Variants in EXTL3 observed in about 807,000 individuals in gnomAD.
EXTL3 encodes the protein exostosin like glycosyltransferase 3.
In EXTL3, 27 loss-of-function variants were observed where a neutral mutation model predicts 69.3. The ratio of observed to expected loss-of-function variants is 0.39; its 90% CI spans 0.29 to 0.54. The LOEUF is 0.54. Ranked by LOEUF, EXTL3 falls within the 20% of genes least tolerant of loss-of-function variation. The pLI, the probability that EXTL3 is intolerant of heterozygous loss-of-function variation, is 0.69. For synonymous variants in EXTL3, 511 were observed against 499.4 expected (o/e 1.02, Z -0.31); for missense variants, 1,003 against 1,231.8 (o/e 0.81, Z 2.78).
upstream of EXTL3, among the ~76,000 whole-genome samples, chr8:28,619,819 G>A (rs1806384856): frequency 7.9e-6 from 1 of 126,596 alleles, no homozygotes; most frequent in South Asian, 2.7e-4. Context: ...ATCCGTATCC[G>A]TACACCGCCG....
chr8:28,656,102 T>G (rs1347785070), intron 1 of EXTL3, among the ~76,000 whole-genome samples: 2 of 152,146 alleles, frequency 1.3e-5, no homozygotes, highest in East Asian at 3.9e-4. Flanking sequence ...TTATTTTCTC[T>G]GTGGCATGCT....
intron 1 of EXTL3, among the ~76,000 whole-genome samples, chr8:28,695,374 G>T (rs1038320020): frequency 2.0e-5 from 3 of 152,062 alleles, no homozygotes; most frequent in Admixed American, 2.0e-4. Context: ...TGATACACCC[G>T]CCTCGGCCTC....
intron 1 of EXTL3, among the ~76,000 whole-genome samples, chr8:28,679,701 TGACAAAGCAA>T (rs1807450853): frequency 6.8e-6 from 1 of 146,308 alleles, no homozygotes; most frequent in African/African-American, 2.5e-5. Context: ...CCAGCTTGAG[TGACAAAGCAA>T]GACCCGACCC....
intron 6 of EXTL3, among the ~76,000 whole-genome samples, chr8:28,749,427 G>A (rs1173975501): frequency 2.0e-5 from 3 of 152,150 alleles, no homozygotes; most frequent in East Asian, 1.9e-4. Context: ...AGAAAAGGAA[G>A]TAGAAGATAA....
intron 1 of EXTL3, among the ~76,000 whole-genome samples, chr8:28,652,472 C>T (rs1806939519): frequency 6.6e-6 from 1 of 151,598 alleles, no homozygotes; most frequent in Non-Finnish European, 1.5e-5. Flanking sequence ...GCCTGCGCAA[C>T]ACAGGGAGGC....
chr8:28,669,742 T>G (rs1807255215), intron 1 of EXTL3, among the ~76,000 whole-genome samples: 1 of 152,160 alleles, frequency 6.6e-6, no homozygotes, highest in Admixed American at 6.5e-5. Flanking sequence ...CAAGAAAAAT[T>G]AGCATCACCC....
intron 3 of EXTL3, among the ~76,000 whole-genome samples, chr8:28,723,817 T>A (rs1801350828): frequency 6.6e-6 from 1 of 151,944 alleles, no homozygotes; most frequent in Non-Finnish European, 1.5e-5. Flanking sequence ...AATTTTTGTA[T>A]TTTTAGTAGA....
upstream of EXTL3, chr8:28,696,947 T>G (rs1800694964): frequency 6.6e-6 from 1 of 152,234 alleles, no homozygotes; most frequent in Admixed American, 6.5e-5. Flanking sequence ...GAGCTTTTGT[T>G]GATCATGTAC....
intron 6 of EXTL3, among the ~76,000 whole-genome samples, chr8:28,747,728 C>CTTTTT (rs71549697): frequency 7.2e-5 from 9 of 124,738 alleles, no homozygotes; most frequent in African/African-American, 1.3e-4. Context: ...TTTTCTTTTT[C>CTTTTT]TTTTTTTTTT....
intron 5 of EXTL3, chr8:28,742,748 GC>G: frequency 4.5e-6 from 1 of 219,964 alleles, no homozygotes; most frequent in Non-Finnish European, 9.1e-6. Context: ...TTTTTTTTTG[GC>G]CATTGTTAGA....
In EXTL3 at chr8:28,663,182, G is replaced by T. The variant is rs1037467866; in HGVS notation, c.-53+40372G>T. ...AAAGCAAATTTTACTCAGTCCTTGT[G>T]GTTATATGTTGGTTCAGCACTAATA... On this transcript the variant is annotated intron_variant, in intron 1 of 6. Coordinates refer to the EXTL3 transcript ENST00000523149. 5.3e-5 allele frequency among the ~76,000 whole-genome samples: 8 copies of T among 152,304 alleles called. 1 individual carries two copies. In the South Asian group the frequency reaches 1.4e-3, roughly 28 times the overall value.
intron 1 of EXTL3, among the ~76,000 whole-genome samples, chr8:28,629,013 G>C (rs1044804156): frequency 6.8e-4 from 103 of 152,304 alleles, no homozygotes; most frequent in East Asian, 1.9e-3. Flanking sequence ...GAAGCTGGAA[G>C]GTGGCAGAGA....
At position 28,754,232 on chromosome 8, in the gene EXTL3, A is replaced by G. The variant is rs1281382265; in HGVS notation, c.*3366A>G. On this transcript the variant is annotated 3_prime_UTR_variant, in exon 7 of 7. Transcript: ENST00000220562. ...GCAGAGCCCCATCCTGTTGGTGCCC[A>G]CAGGCCTAGATCTTGTGCTTGGCTG... 6.6e-6 allele frequency: 1 copy of G among 152,378 alleles called. No homozygotes were observed. Among genetic ancestry groups the G allele is most frequent in the Admixed American group, 6.5e-5 (1 of 15,282 alleles). 9.4% of individuals were successfully genotyped at this position (152,378 alleles called of 1,614,324 possible).
At chr8:28,701,451 T>G (rs917660924), upstream of EXTL3, 1 of 150,520 alleles carries the variant, frequency 6.6e-6, no homozygotes, top group African/African-American at 2.5e-5. Context: ...GCGCCCCCGC[T>G]CGCGAACGCC....
Position 28,613,912 on chromosome 8 carries a change from TG to T in EXTL3, n.314+6157del, listed in dbSNP as rs374871852. Among the ~76,000 whole-genome samples the T allele has an allele frequency of 4.9e-4, 75 of 152,044 alleles. No homozygotes were observed. In the East Asian group the frequency reaches 0.012, roughly 24 times the overall value. ...ATAGCTCACTGCGGCCTTGACCTCC[TG>T]GGCTCAAACGATCCTCTGACCTCAG... On this transcript the variant is annotated intron_variant and non_coding_transcript_variant, in intron 2 of 4. Coordinates refer to the EXTL3 transcript ENST00000522725.
upstream of EXTL3, chr8:28,622,682 G>A (rs1288685071): frequency 1.3e-5 from 2 of 151,318 alleles, no homozygotes; most frequent in East Asian, 3.9e-4. Flanking sequence ...CGGCCGGGCC[G>A]GGGATGCGGT....
chr8:28,679,178 C>T lies in EXTL3; in HGVS notation c.-52-34279C>T, dbSNP rs573792527. ...AATGTCCAGTCTAGGCCAGGCGTGC[C>T]GGTTCACGCCTGTTATCCCAGCACT... On this transcript the variant is annotated intron_variant, in intron 1 of 6. Transcript: ENST00000523149. Among the ~76,000 whole-genome samples the T allele has an allele frequency of 1.5e-4, 23 of 152,296 alleles. No individual in the cohort carries two copies. In the East Asian group the frequency reaches 2.7e-3, roughly 18 times the overall value.
At chr8:28,631,156 T>C (rs976415252) in intron 1 of EXTL3, among the ~76,000 whole-genome samples, 5 of 151,996 alleles carry the variant, frequency 3.3e-5, no homozygotes, top group Admixed American at 2.0e-4. Flanking sequence ...TTTTTTTTTT[T>C]CTGGAGCTAA....
rs370823984 is a variant in EXTL3 at position 28,609,845 on chromosome 8, G to T, written n.314+2087G>T. Among the ~76,000 whole-genome samples the T allele has an allele frequency of 6.6e-5, 10 of 150,980 alleles. No homozygotes were observed. In the East Asian group the frequency reaches 1.8e-3, roughly 26 times the overall value. On this transcript the variant is annotated intron_variant and non_coding_transcript_variant, in intron 2 of 4. Coordinates refer to the EXTL3 transcript ENST00000522725. ...ATTGAGGCTGCAGTGAGCCATGATG[G>T]AGCTACTGCACTCCAGCCTGGATGA...
Sources: allele counts gnomAD v4.1 joint callset (sites outside exome capture counted in the v4.1 genomes callset), GRCh38; gene constraint gnomAD v4.1.1; transcripts MANE v1.5; gene names NCBI Gene and HGNC (gene_info 2026-07-23, HGNC 2026-07-21).